ASNS: variants seen among roughly 807,000 people sequenced by gnomAD.
ASNS encodes the protein asparagine synthetase [glutamine-hydrolyzing].
ASNS carries 37 observed loss-of-function variants against 62.6 expected under a neutral mutation model. That is an observed-to-expected ratio of 0.59 (90% CI 0.45 to 0.78). ASNS has a LOEUF of 0.78. Among genes scored for constraint, ASNS ranks in the 30% least tolerant of loss-of-function variants. The pLI, the probability that ASNS is intolerant of heterozygous loss-of-function variation, is 0.00. For missense variants in ASNS, 520 were observed against 682.4 expected (o/e 0.76, Z 2.65); for synonymous variants, 207 against 237.9 (o/e 0.87, Z 1.19).
At chr7:97,899,056 A>G in the ASNS span, 1 of 609,886 alleles carries the variant, frequency 1.6e-6, no homozygotes, top group Non-Finnish European at 3.0e-6. Flanking sequence ...GAATGGACCA[A>G]CTACTTTCTT....
the ASNS span, among the ~76,000 whole-genome samples, chr7:97,910,402 G>A: frequency 2.6e-5 from 4 of 152,110 alleles, no homozygotes; most frequent in Non-Finnish European, 5.9e-5. Flanking sequence ...GACACTCCAC[G>A]TGCACTATTT....
rs1167308898 is a variant in ASNS at position 97,856,812 on chromosome 7, G to T, written c.908C>A (p.Ala303Glu). 1.9e-6 allele frequency: 3 copies of T among 1,601,696 alleles called. No homozygotes were observed. Among genetic ancestry groups the T allele is most frequent in the Non-Finnish European group, 2.6e-6 (3 of 1,174,796 alleles). Residue 303 changes from alanine to glutamate, a missense_variant, in exon 8 of 13, where the codon GCA becomes GAA. Physicochemically the swap from Ala to Glu is moderately radical, Grantham distance 107 (BLOSUM62 -1). Coordinates refer to ENST00000394308, the MANE Select transcript of ASNS (RefSeq NM_001673.5). The stretch of plus-strand genomic sequence containing the variant: ...ATAATGTTCACTTCCAATATGATCT[G>T]CCACCTTATTATATAAAGAAATACC... ...SPDLLAARKV[A>E]DHIGSEHYEV...
the ASNS span, among the ~76,000 whole-genome samples, chr7:97,902,553 A>C: frequency 8.6e-5 from 13 of 151,994 alleles, no homozygotes; most frequent in Non-Finnish European, 1.8e-4. Flanking sequence ...TCTCTACAAA[A>C]AATAAATAAA....
Position 97,868,905 on chromosome 7 carries a change from C to T in ASNS, c.249+3G>A. On this transcript the variant is annotated splice_donor_region_variant and intron_variant, in intron 3 of 12. Coordinates refer to ENST00000394308, the MANE Select transcript of ASNS (RefSeq NM_001673.5). ...TCCAGACATCTGGTTTCTTTCTCCTCACCTTCTTATGGTTGTAGATTTCAC... is the reference window on the plus strand; with the variant it reads ...TCCAGACATCTGGTTTCTTTCTCCTTACCTTCTTATGGTTGTAGATTTCAC... 4 of 1,613,230 alleles carry T rather than the reference C, an allele frequency of 2.5e-6. No individual in the cohort carries two copies. Among genetic ancestry groups the T allele is most frequent in the Non-Finnish European group, 3.4e-6 (4 of 1,179,574 alleles).
chr7:97,927,499 C>T, the ASNS span, among the ~76,000 whole-genome samples: 4 of 152,272 alleles, frequency 2.6e-5, no homozygotes, highest in Non-Finnish European at 5.9e-5. Context: ...AACCAGGATG[C>T]AAACCCCAGC....
chr7:97,852,523 T>C lies in ASNS; in HGVS notation c.1477-55A>G, dbSNP rs184922074. The C allele has an allele frequency of 5.9e-6, 9 of 1,519,486 alleles. No homozygotes were observed. In the African/African-American group the frequency reaches 1.2e-4, roughly 21 times the overall value. 94.1% of individuals were successfully genotyped at this position (1,519,486 alleles called of 1,614,324 possible). A position where few individuals can be genotyped will look rare whatever the true frequency, so the allele number is the denominator to read the frequency against. On this transcript the variant is annotated intron_variant, in intron 12 of 12. Transcript: ENST00000394308. ...GGCTTAAAATGGCAGGAAATACTTG[T>C]GTTTAGTCTCATTTCACGAAACAGA...
In ASNS at chr7:97,853,151, ATC is replaced by A; in HGVS notation, c.1383_1384del (p.Glu461AspfsTer11). 1 of 1,612,088 alleles carries A rather than the reference ATC, an allele frequency of 6.2e-7. No homozygotes were observed. The highest frequency in any genetic ancestry group is 1.1e-5 in the South Asian group (1 of 90,502). On this transcript the variant is annotated frameshift_variant, in exon 12 of 13. Transcript: ENST00000394308. LOFTEE classifies it high-confidence loss of function. The stretch of plus-strand genomic sequence containing the variant: ...GAAGGCTTCTTTTGGTCGCCAGAGA[ATC>A]TCTTTGGGTATCAGATTGGAATCCT...
At chr7:97,864,219 C>A in intron 4 of ASNS, 40 bp downstream of exon 4, 1 of 1,542,848 alleles carries the variant, frequency 6.5e-7, no homozygotes, top group Non-Finnish European at 8.8e-7. Flanking sequence ...AACGTACAAC[C>A]AAGACAATAA....
intron 7 of ASNS, 111 bp downstream of exon 7, chr7:97,858,167 T>C (rs988774032): frequency 7.7e-5 from 108 of 1,405,856 alleles, no homozygotes; most frequent in African/African-American, 1.0e-4. Flanking sequence ...TTTAAAACAA[T>C]TGACCCAGTC....
At position 97,859,330 on chromosome 7, in the gene ASNS, C is replaced by T; in HGVS notation, c.556G>A (p.Glu186Lys). ...KVEPFLPGHY[E>K]VLDLKPNGKV... ...CCATTTGGCTTTAAATCCAAAACTT[C>T]ATAGTGTCCAGGAAGAAAAGGCTCC... is the stretch of plus-strand genomic sequence containing the variant. The change falls in exon 5 of 13, where the codon GAA becomes AAA. Residue 186 changes from glutamate to lysine, a missense_variant. Glu to Lys is a moderately conservative substitution (Grantham distance 56). Transcript: ENST00000394308. The T allele has an allele frequency of 6.2e-7, 1 of 1,614,112 alleles. No individual in the cohort carries two copies. Among genetic ancestry groups the T allele is most frequent in the Non-Finnish European group, 8.5e-7 (1 of 1,180,002 alleles).
chr7:97,869,145 A>G lies in ASNS; in HGVS notation c.12T>C (p.Ile4=). 3.1e-6 allele frequency: 5 copies of G among 1,614,076 alleles called. No individual in the cohort carries two copies. The highest frequency in any genetic ancestry group is 4.2e-6 in the Non-Finnish European group (5 of 1,179,926). MCG[I]WALFGSDDCL... The stretch of plus-strand genomic sequence containing the variant: ...AATCATCACTGCCAAACAGCGCCCA[A>G]ATGCCACACATGGTGCAATGAAGCT... The change falls in exon 3 of 13, where the codon ATT becomes ATC. Residue 4 remains isoleucine, a synonymous_variant. Transcript: ENST00000394308.
the ASNS span, among the ~76,000 whole-genome samples, chr7:97,885,345 T>A: frequency 6.6e-6 from 1 of 152,276 alleles, no homozygotes; most frequent in Non-Finnish European, 1.5e-5. Flanking sequence ...ATAATGCTGC[T>A]ATGAGCATTT....
the ASNS span, among the ~76,000 whole-genome samples, chr7:97,916,957 G>A: frequency 2.0e-5 from 3 of 152,270 alleles, no homozygotes; most frequent in East Asian, 5.8e-4. Flanking sequence ...TGGGGCTGAA[G>A]TGTCCTACCC....
the ASNS span, among the ~76,000 whole-genome samples, chr7:97,896,747 T>C: frequency 7.6e-4 from 58 of 75,904 alleles, 1 homozygote; most frequent in African/African-American, 1.9e-3. Context: ...CACACATATA[T>C]ATATATATAT....
the ASNS span, among the ~76,000 whole-genome samples, chr7:97,888,076 G>C: frequency 2.0e-5 from 3 of 152,208 alleles, no homozygotes. Flanking sequence ...CTGGGCTCAA[G>C]TGATCTTACC....
At chr7:97,919,134 G>T in the ASNS span, among the ~76,000 whole-genome samples, 3 of 151,562 alleles carry the variant, frequency 2.0e-5, no homozygotes, top group African/African-American at 7.3e-5. Flanking sequence ...ACACAATCTC[G>T]GCTCACTGCA....
intron 9 of ASNS, 161 bp from the exon 10 acceptor site, chr7:97,854,841 GCCTT>G: frequency 7.7e-7 from 1 of 1,296,022 alleles, no homozygotes; most frequent in Non-Finnish European, 1.1e-6. Flanking sequence ...CACAAAACAT[GCCTT>G]CCTTCCTACC....
chr7:97,861,665 T>C (rs796434265), intron 4 of ASNS, among the ~76,000 whole-genome samples: 3 of 152,230 alleles, frequency 2.0e-5, no homozygotes, highest in African/African-American at 7.2e-5. Flanking sequence ...TGCAATTCCA[T>C]ATGAATTTGA....
chr7:97,887,532 G>C, the ASNS span, among the ~76,000 whole-genome samples: 1 of 152,120 alleles, frequency 6.6e-6, no homozygotes, highest in Non-Finnish European at 1.5e-5. Flanking sequence ...ATATTAATCT[G>C]TATGACCAAA....
Sources: allele counts gnomAD v4.1 joint callset (sites outside exome capture counted in the v4.1 genomes callset), GRCh38; gene constraint gnomAD v4.1.1; transcripts MANE v1.5; gene names NCBI Gene and HGNC (gene_info 2026-07-23, HGNC 2026-07-21).